ETS1: variants seen among roughly 807,000 people sequenced by gnomAD.
The protein encoded by ETS1 is ETS proto-oncogene 1, transcription factor, also known as protein C-ets-1.
Under a neutral mutation model 58.6 loss-of-function variants are expected in ETS1, and 15 were observed. The observed-to-expected ratio is 0.26, with a 90% confidence interval of 0.17 to 0.39. ETS1 has a LOEUF of 0.39. Ranked by LOEUF, ETS1 falls within the 10% of genes least tolerant of loss-of-function variation. The probability of loss-of-function intolerance (pLI) is 1.00; values close to 1 mark genes in which losing one functional copy is unlikely to be tolerated. For synonymous variants in ETS1, 214 were observed against 218.2 expected (o/e 0.98, Z 0.17); for missense variants, 417 against 610.5 (o/e 0.68, Z 3.34).
At chr11:128,498,152 G>C (rs895642368) in intron 3 of ETS1, among the ~76,000 whole-genome samples, 1 of 152,074 alleles carries the variant, frequency 6.6e-6, no homozygotes, top group Non-Finnish European at 1.5e-5. Flanking sequence ...AGGATTAAGT[G>C]GACTATGTGT....
chr11:128,549,190 T>C lies in ETS1; in HGVS notation c.214+7101A>G, dbSNP rs1356917881. On this transcript the variant is annotated intron_variant, in intron 3 of 9. Transcript: ENST00000392668. The surrounding 1 kb of genome is among the most constrained non-coding windows in gnomAD (Gnocchi z 4.3). ...CATCTGGAGAGAGAGCCCGTGTCTC[T>C]AGGCGGCCAGACACAGCACTACAGG... Among the ~76,000 whole-genome samples the C allele has an allele frequency of 6.6e-6, 1 of 152,194 alleles. No individual in the cohort carries two copies. The highest frequency in any genetic ancestry group is 1.5e-5 in the Non-Finnish European group (1 of 68,018).
chr11:128,487,503 G>A (rs1280974626), intron 5 of ETS1, among the ~76,000 whole-genome samples: 1 of 152,108 alleles, frequency 6.6e-6, no homozygotes, highest in Non-Finnish European at 1.5e-5. Flanking sequence ...TGTTTTGGGA[G>A]GCCAAGGTGG....
chr11:128,463,696 A>T lies in ETS1; in HGVS notation c.1124-69T>A. On this transcript the variant is annotated intron_variant, in intron 8 of 9. Coordinates refer to ENST00000392668, the MANE Select transcript of ETS1 (RefSeq NM_001143820.2). The surrounding 1 kb of genome is among the most constrained non-coding windows in gnomAD (Gnocchi z 4.1). ...CACTCTACGCAGCTAATCCCCACACACGGCACTCCCACATCCCTCTTCTCT... is the reference window on the plus strand; with the variant it reads ...CACTCTACGCAGCTAATCCCCACACTCGGCACTCCCACATCCCTCTTCTCT... The T allele has an allele frequency of 1.2e-6, 1 of 841,644 alleles. No homozygotes were observed. The highest frequency in any genetic ancestry group is 1.7e-5 in the African/African-American group (1 of 60,466). 52.1% of individuals were successfully genotyped at this position (841,644 alleles called of 1,614,324 possible). A position where few individuals can be genotyped will look rare whatever the true frequency, so the allele number is the denominator to read the frequency against.
At chr11:128,495,950 T>C (rs868138577) in intron 3 of ETS1, among the ~76,000 whole-genome samples, 1 of 152,044 alleles carries the variant, frequency 6.6e-6, no homozygotes, top group East Asian at 1.9e-4. Context: ...TACTCAAAAT[T>C]TATCAATACT....
Position 128,585,193 on chromosome 11 carries a change from GGAAAGAAAGAAA to G in ETS1, c.-15+2283_-15+2294del, listed in dbSNP as rs764608182. On this transcript the variant is annotated intron_variant, in intron 1 of 9. Transcript: ENST00000392668. ...GAGAAAGAAAGAAAGAAAGAAGGAA[GGAAAGAAAGAAA>G]GAAAGAAAGAAAGAAAGAAAGAAAG... 4.0e-3 allele frequency among the ~76,000 whole-genome samples: 62 copies of G among 15,688 alleles called. 7 individuals are homozygous for G. The Middle Eastern group carries it at 0.087, about 22-fold the overall frequency. 10.3% of individuals were successfully genotyped at this position (15,688 alleles called of 152,430 possible). A position where few individuals can be genotyped will look rare whatever the true frequency, so the allele number is the denominator to read the frequency against.
intron 6 of ETS1, among the ~76,000 whole-genome samples, chr11:128,485,336 G>A (rs1862600506): frequency 6.6e-6 from 1 of 152,172 alleles, no homozygotes; most frequent in Non-Finnish European, 1.5e-5. Flanking sequence ...TGATGAAGAT[G>A]AAATGAGGAT....
rs182492769 is a variant in ETS1 at position 128,575,223 on chromosome 11, C to T, written c.-14-2079G>A. Among the ~76,000 whole-genome samples the T allele has an allele frequency of 8.7e-4, 132 of 152,284 alleles. 2 individuals carry two copies. Among genetic ancestry groups the T allele is most frequent in the African/African-American group, 2.5e-3 (105 of 41,552 alleles). On this transcript the variant is annotated intron_variant, in intron 1 of 9. Coordinates refer to ENST00000392668, the MANE Select transcript of ETS1 (RefSeq NM_001143820.2). Reference sequence around the variant, plus strand: ...GATAAAGTTTAACTTATACATTAGACGCAGTAAGAGATTAACAACAATAAC... The same window carrying T: ...GATAAAGTTTAACTTATACATTAGATGCAGTAAGAGATTAACAACAATAAC...
intron 1 of ETS1, among the ~76,000 whole-genome samples, chr11:128,583,494 G>A (rs1207423949): frequency 6.6e-6 from 1 of 152,118 alleles, no homozygotes; most frequent in Non-Finnish European, 1.5e-5. Context: ...TACAAGAGGT[G>A]CCAAGAGATA....
rs186162014 is a variant in ETS1, at chr11:128,561,144, G to A, written c.70-4709C>T. 1.2e-3 allele frequency among the ~76,000 whole-genome samples: 187 copies of A among 152,298 alleles called. 2 individuals carry two copies. Among genetic ancestry groups the A allele is most frequent in the African/African-American group, 4.5e-3 (186 of 41,558 alleles). On this transcript the variant is annotated intron_variant, in intron 2 of 9. Transcript: ENST00000392668. ...TGAGGATGGTAGGAGTGGAGGGTAA[G>A]TAGTAAAACTTCAAGCCGGAGGGCA...
At chr11:128,498,542 T>C (rs1345285139) in intron 3 of ETS1, among the ~76,000 whole-genome samples, 1 of 152,194 alleles carries the variant, frequency 6.6e-6, no homozygotes. Flanking sequence ...ATGAATCCAA[T>C]GCACCTAAGA....
chr11:128,470,984 G>A (rs758321885), intron 8 of ETS1, among the ~76,000 whole-genome samples: 18 of 152,192 alleles, frequency 1.2e-4, no homozygotes, highest in Non-Finnish European at 2.4e-4. Flanking sequence ...ATATGGTTTA[G>A]GGAAATCTTG....
At chr11:128,550,554 G>A (rs142464154) in intron 3 of ETS1, among the ~76,000 whole-genome samples, 2 of 152,280 alleles carry the variant, frequency 1.3e-5, no homozygotes, top group East Asian at 1.9e-4. Flanking sequence ...TCTTTCCCTG[G>A]CCCTCTCAGA....
At chr11:128,535,070 C>T (rs938496816) in intron 3 of ETS1, among the ~76,000 whole-genome samples, 5 of 152,150 alleles carry the variant, frequency 3.3e-5, no homozygotes, top group Non-Finnish European at 7.3e-5. Context: ...CCTATTTCTC[C>T]ACAGCCTTGC....
At chr11:128,516,132 G>C (rs954195135) in intron 3 of ETS1, among the ~76,000 whole-genome samples, 1 of 152,236 alleles carries the variant, frequency 6.6e-6, no homozygotes, top group Non-Finnish European at 1.5e-5. Context: ...AAAAGGGGGT[G>C]CAGATAGGCG....
At chr11:128,506,811 A>T (rs1252910854) in intron 3 of ETS1, among the ~76,000 whole-genome samples, 3 of 152,180 alleles carry the variant, frequency 2.0e-5, no homozygotes, top group Admixed American at 2.0e-4. Context: ...TTCTGGGACC[A>T]CTTATGTGAG....
chr11:128,484,738 A>C (rs1313126533), intron 7 of ETS1, 85 bp downstream of exon 7: 3 of 1,343,800 alleles, frequency 2.2e-6, no homozygotes, highest in Admixed American at 4.4e-5. Context: ...ATAAATAAGA[A>C]AAAAAAAATG....
intron 2 of ETS1, chr11:128,571,998 C>G (rs1239237731): frequency 6.6e-6 from 1 of 151,842 alleles, no homozygotes; most frequent in East Asian, 1.9e-4. Context: ...GAGCAGAGAT[C>G]AAACCACTGC....
chr11:128,577,830 A>G (rs1436794945), intron 1 of ETS1, among the ~76,000 whole-genome samples: 3 of 152,010 alleles, frequency 2.0e-5, no homozygotes. Context: ...TATGCAATAA[A>G]CGTGTGCAAT....
Position 128,462,246 on chromosome 11 carries a change from T to G in ETS1, c.*115A>C. 1.2e-6 allele frequency: 1 copy of G among 830,736 alleles called. No homozygotes were observed. The highest frequency in any genetic ancestry group is 1.9e-6 in the Non-Finnish European group (1 of 530,686). The allele number at this position is 830,736 out of a possible 1,614,324, so 51.5% of individuals were successfully genotyped here. A position where few individuals can be genotyped will look rare whatever the true frequency, so the allele number is the denominator to read the frequency against. On this transcript the variant is annotated 3_prime_UTR_variant, in exon 10 of 10. Coordinates refer to ENST00000392668, the MANE Select transcript of ETS1 (RefSeq NM_001143820.2). The stretch of plus-strand genomic sequence containing the variant: ...CTGACTTAGCTCCCACCCCTGAAGG[T>G]AAAAAATGAGTTCTGGAAAATAAAA...
Sources: gnomAD v4.1 joint callset for allele counts (sites outside exome capture counted in the v4.1 genomes callset) on GRCh38, gnomAD v4.1.1 for gene constraint, Gnocchi (gnomAD v3.1) non-coding constraint, MANE v1.5 for transcripts, NCBI Gene and HGNC (gene_info 2026-07-23, HGNC 2026-07-21) for gene names.